SGK1: variants seen among roughly 807,000 people sequenced by gnomAD.
SGK1 encodes serum/glucocorticoid regulated kinase 1.
A neutral mutation model predicts 64.2 loss-of-function variants in SGK1; 26 were observed. That is an observed-to-expected ratio of 0.40 (90% CI 0.30 to 0.56). The LOEUF is 0.56. SGK1 is among the 20% of genes least tolerant of loss of function. The pLI is 0.38. For missense variants in SGK1, 519 were observed against 645.6 expected, an observed-to-expected ratio of 0.80 and a Z score of 2.12; for synonymous variants, 265 against 239.7, an observed-to-expected ratio of 1.11 and a Z score of -0.98.
chr6:134,285,666 G>A (rs1250130310), intron 1 of SGK1, among the ~76,000 whole-genome samples: 1 of 151,452 alleles, frequency 6.6e-6, no homozygotes, highest in Admixed American at 6.6e-5. Context: ...CTGGCTGTTT[G>A]TATATCTCCT....
chr6:134,308,654 T>C (rs1309893780), intron 1 of SGK1, among the ~76,000 whole-genome samples: 2 of 152,092 alleles, frequency 1.3e-5, no homozygotes, highest in Non-Finnish European at 2.9e-5. Context: ...CCCCCCGGGT[T>C]CAAGTGATCC....
chr6:134,249,824 G>A (rs748039957), intron 2 of SGK1, among the ~76,000 whole-genome samples: 1 of 152,162 alleles, frequency 6.6e-6, no homozygotes, highest in Non-Finnish European at 1.5e-5. Context: ...AGATTTGCTT[G>A]TTTTAAAAAT....
intron 4 of SGK1, 91 bp downstream of exon 4, chr6:134,174,420 T>G (rs1775141461): frequency 1.1e-6 from 1 of 900,090 alleles, no homozygotes; most frequent in African/African-American, 1.7e-5. Context: ...AGAAGAAGTC[T>G]TCGCCTTCCC....
intron 3 of SGK1, among the ~76,000 whole-genome samples, chr6:134,204,453 G>C (rs1189214498): frequency 2.4e-5 from 3 of 123,510 alleles, no homozygotes; most frequent in Non-Finnish European, 4.9e-5. Flanking sequence ...CTGGGCGACA[G>C]AGCAAGACTC....
intron 3 of SGK1, chr6:134,175,682 C>A (rs745674570): frequency 1.4e-6 from 2 of 1,472,080 alleles, no homozygotes; most frequent in African/African-American, 1.5e-5. Context: ...CGGCGGGGCG[C>A]GCGGCAGACG....
intron 3 of SGK1, among the ~76,000 whole-genome samples, chr6:134,190,814 T>C (rs1449354589): frequency 2.0e-5 from 3 of 152,200 alleles, no homozygotes; most frequent in Admixed American, 2.0e-4. Context: ...TTACATAAGA[T>C]GTGAAAGAGG....
At chr6:134,284,907 TATA>T (rs1288442364) in intron 1 of SGK1, among the ~76,000 whole-genome samples, 3 of 152,358 alleles carry the variant, frequency 2.0e-5, no homozygotes, top group African/African-American at 7.2e-5. Context: ...TTGGTGTGTA[TATA>T]TCACATTTTT....
chr6:134,207,921 TTTG>T (rs1453728459), intron 2 of SGK1, among the ~76,000 whole-genome samples: 1 of 129,938 alleles, frequency 7.7e-6, no homozygotes, highest in Non-Finnish European at 1.6e-5. Context: ...AAATGCTTTT[TTTG>T]TTTGTTTGAG....
In SGK1 at chr6:134,173,376, A is replaced by G. The variant is rs1318624902; in HGVS notation, c.619-19T>C. Reference sequence around the variant, plus strand: ...GAAGAACCTGAAATTTCAATTTAAAAAAATCATTTTTCTATCCTCATCCAG... The same window carrying G: ...GAAGAACCTGAAATTTCAATTTAAAGAAATCATTTTTCTATCCTCATCCAG... On this transcript the variant is annotated intron_variant, in intron 6 of 13. Transcript: ENST00000367858. The G allele has an allele frequency of 6.2e-7, 1 of 1,606,594 alleles. No individual in the cohort carries two copies. Among genetic ancestry groups the G allele is most frequent in the East Asian group, 2.2e-5 (1 of 44,850 alleles).
At chr6:134,208,056 C>T (rs907138443) in intron 2 of SGK1, among the ~76,000 whole-genome samples, 4 of 152,068 alleles carry the variant, frequency 2.6e-5, no homozygotes, top group African/African-American at 7.2e-5. Context: ...GGATTATAGG[C>T]GTGTGCCACC....
intron 1 of SGK1, among the ~76,000 whole-genome samples, chr6:134,269,442 T>G (rs1776907231): frequency 6.8e-6 from 1 of 147,464 alleles, no homozygotes; most frequent in Admixed American, 6.9e-5. Context: ...GTGGATCATT[T>G]GAGGCCAGGT....
At chr6:134,294,727 G>A (rs540187755) in intron 1 of SGK1, among the ~76,000 whole-genome samples, 20 of 152,026 alleles carry the variant, frequency 1.3e-4, no homozygotes, top group Non-Finnish European at 1.8e-4. Context: ...TAGTAGAGAC[G>A]GGGTTTCACC....
intron 3 of SGK1, chr6:134,175,922 G>T: frequency 3.5e-6 from 4 of 1,140,942 alleles, no homozygotes; most frequent in Non-Finnish European, 4.3e-6. Flanking sequence ...GGAGGGAGAG[G>T]TCAGGAATGT....
intron 2 of SGK1, among the ~76,000 whole-genome samples, chr6:134,219,351 A>C (rs887776881): frequency 9.2e-5 from 14 of 151,966 alleles, no homozygotes; most frequent in Admixed American, 2.0e-4. Flanking sequence ...GCCATGTCCA[A>C]ACACCCGTTT....
chr6:134,190,147 G>A (rs181957657), intron 3 of SGK1, among the ~76,000 whole-genome samples: 1 of 152,240 alleles, frequency 6.6e-6, no homozygotes, highest in African/African-American at 2.4e-5. Flanking sequence ...ACTGCACCTG[G>A]CCCTAAGTAC....
rs1416438698 is a variant in SGK1 at position 134,269,738 on chromosome 6, G to A, written c.70-7590C>T. Among the ~76,000 whole-genome samples, 2 of 147,800 alleles carry A rather than the reference G, an allele frequency of 1.4e-5. 1 individual carries two copies. The highest frequency in any genetic ancestry group is 4.8e-4 in the East Asian group (2 of 4,138). Reference sequence around the variant, plus strand: ...CCAGAGGGTGCATGCTAGCAGGTTAGTTACGGCATGAGTGTAATTTAGGAG... The same window carrying A: ...CCAGAGGGTGCATGCTAGCAGGTTAATTACGGCATGAGTGTAATTTAGGAG... On this transcript the variant is annotated intron_variant, in intron 1 of 13. Coordinates refer to ENST00000367858, the MANE Select transcript of SGK1 (RefSeq NM_001143676.3).
intron 3 of SGK1, among the ~76,000 whole-genome samples, chr6:134,199,691 G>A (rs1033279761): frequency 6.7e-6 from 1 of 149,996 alleles, no homozygotes; most frequent in Non-Finnish European, 1.5e-5. Flanking sequence ...TATGAACAAC[G>A]CATAATCCTG....
At chr6:134,175,453 C>G in intron 3 of SGK1, 1 of 1,318,508 alleles carries the variant, frequency 7.6e-7, no homozygotes, top group Non-Finnish European at 9.7e-7. Context: ...GGGACCCCGG[C>G]CCCGAGAACT....
intron 2 of SGK1, among the ~76,000 whole-genome samples, chr6:134,258,393 A>T (rs1776715081): frequency 6.6e-6 from 1 of 151,992 alleles, no homozygotes; most frequent in African/African-American, 2.4e-5. Flanking sequence ...GCATATTTTA[A>T]CGATTAAAAT....
Sources: allele counts gnomAD v4.1 joint callset (sites outside exome capture counted in the v4.1 genomes callset), GRCh38; gene constraint gnomAD v4.1.1; transcripts MANE v1.5; gene names NCBI Gene and HGNC (gene_info 2026-07-23, HGNC 2026-07-21).